METTL22: variants seen among roughly 807,000 people sequenced by gnomAD.
METTL22 encodes methyltransferase 22, Kin17 lysine, also known as methyltransferase-like protein 22.
Under a neutral mutation model 48.4 loss-of-function variants are expected in METTL22, and 51 were observed. The ratio of observed to expected loss-of-function variants is 1.05; its 90% CI spans 0.84 to 1.33. The LOEUF (loss-of-function observed/expected upper bound fraction) is 1.33, where lower values mean the gene tolerates loss of function less well. Ranked by LOEUF, METTL22 falls within the 40% of genes most tolerant of loss-of-function variation. The pLI, the probability that METTL22 is intolerant of heterozygous loss-of-function variation, is 0.00. For synonymous variants in METTL22, 255 were observed against 214.1 expected (o/e 1.19, Z -1.67); for missense variants, 678 against 526.9 (o/e 1.29, Z -2.81).
Position 8,648,345 on chromosome 16 carries a change from G to T in METTL22, c.*2202G>T, listed in dbSNP as rs1422206415. On this transcript the variant is annotated 3_prime_UTR_variant, in exon 11 of 11. Transcript: ENST00000381920. ...CTCAAAAATTAAAAAGCCAGGCGAG[G>T]TGCCGGGCATGGTGGCTCATGCCTG... 6.6e-6 allele frequency: 1 copy of T among 151,904 alleles called. No homozygotes were observed. 9.4% of individuals were successfully genotyped at this position (151,904 alleles called of 1,614,324 possible).
Position 8,649,188 on chromosome 16 carries a change from C to T in METTL22, c.*3045C>T, listed in dbSNP as rs1461033454. 6.6e-6 allele frequency: 1 copy of T among 152,190 alleles called. No homozygotes were observed. The highest frequency in any genetic ancestry group is 1.5e-5 in the Non-Finnish European group (1 of 68,032). 9.4% of individuals were successfully genotyped at this position (152,190 alleles called of 1,614,324 possible). On this transcript the variant is annotated 3_prime_UTR_variant, in exon 11 of 11. Coordinates refer to ENST00000381920, the MANE Select transcript of METTL22 (RefSeq NM_024109.4). ...AGGGCAAACTGCTTTTATGTCTAAA[C>T]CACTGGGCCTGAAAGCTTCCTCTAA...
the METTL22 span, among the ~76,000 whole-genome samples, chr16:8,660,894 A>C: frequency 7.4e-6 from 1 of 134,694 alleles, no homozygotes; most frequent in African/African-American, 2.7e-5. Flanking sequence ...GAGGAGGAGG[A>C]GGAGGAGGAG....
At chr16:8,653,632 G>A (rs1435578982), downstream of METTL22, among the ~76,000 whole-genome samples, 3 of 152,210 alleles carry the variant, frequency 2.0e-5, no homozygotes, top group Non-Finnish European at 4.4e-5. Context: ...TGGTTGAAGT[G>A]GATCTTGAAT....
intron 6 of METTL22, among the ~76,000 whole-genome samples, chr16:8,640,888 G>GGGTGGTTGGGT (rs1441175915): frequency 2.0e-5 from 2 of 100,700 alleles, no homozygotes; most frequent in Non-Finnish European, 4.1e-5. Flanking sequence ...GTGGGTGGGT[G>GGGTGGTTGGGT]GGTGAATGGA....
In METTL22 at chr16:8,646,907, G is replaced by T; in HGVS notation, c.*764G>T. ...CTGGTTTTTTATCTTCTCCATCTGT[G>T]CCTCTCTCCTCCCATCTCCACCCCT... On this transcript the variant is annotated 3_prime_UTR_variant, in exon 11 of 11. Transcript: ENST00000381920. 2 of 353,052 alleles carry T rather than the reference G, an allele frequency of 5.7e-6. No homozygotes were observed. Among genetic ancestry groups the T allele is most frequent in the South Asian group, 4.3e-5 (2 of 46,154 alleles). The allele number at this position is 353,052 out of a possible 1,614,324, so 21.9% of individuals were successfully genotyped here. A position where few individuals can be genotyped will look rare whatever the true frequency, so the allele number is the denominator to read the frequency against.
chr16:8,640,139 T>C (rs1180593507), intron 6 of METTL22, among the ~76,000 whole-genome samples: 1 of 152,214 alleles, frequency 6.6e-6, no homozygotes, highest in Non-Finnish European at 1.5e-5. Context: ...GACTACAAGC[T>C]CTGTGGGTGC....
the METTL22 span, among the ~76,000 whole-genome samples, chr16:8,665,267 C>T: frequency 1.6e-4 from 24 of 152,286 alleles, no homozygotes; most frequent in Admixed American, 1.3e-3. Context: ...GACCGCACTG[C>T]AGCCTGGGTG....
chr16:8,626,028 ACT>A (rs1331449264), intron 2 of METTL22, among the ~76,000 whole-genome samples: 5 of 151,744 alleles, frequency 3.3e-5, no homozygotes, highest in African/African-American at 1.2e-4. Context: ...AGACAATCTC[ACT>A]CTGTCACCCA....
rs567966830 is a variant in METTL22, at chr16:8,627,119, A to G, written c.133+1321A>G. ...GCCTCTGTCTTCTCCCACTGAGTTCACTGCTGCACACCCTCCCCGCTTATC... is the reference window on the plus strand; with the variant it reads ...GCCTCTGTCTTCTCCCACTGAGTTCGCTGCTGCACACCCTCCCCGCTTATC... On this transcript the variant is annotated intron_variant, in intron 2 of 10. Transcript: ENST00000381920. 2.0e-5 allele frequency among the ~76,000 whole-genome samples: 3 copies of G among 151,916 alleles called. No individual in the cohort carries two copies. In the South Asian group the frequency reaches 6.2e-4, roughly 32 times the overall value.
intron 6 of METTL22, chr16:8,639,634 C>T (rs1286517167): frequency 3.7e-5 from 7 of 189,292 alleles, no homozygotes; most frequent in Non-Finnish European, 6.7e-5. Context: ...CTGACAGTCT[C>T]CTTTCCAGCC....
intron 10 of METTL22, among the ~76,000 whole-genome samples, chr16:8,645,331 G>A (rs1164180455): frequency 6.6e-6 from 1 of 152,228 alleles, no homozygotes; most frequent in Non-Finnish European, 1.5e-5. Context: ...CGCGTCCTGA[G>A]GGAGGGCAGC....
rs916054338 is a variant in METTL22 at position 8,629,170 on chromosome 16, C to G, written c.514+60C>G. ...AAGGCAACTCCGCAGTGTCACTGCT[C>G]AGGGCTCAGTATGATCTGAGCGTGG... is the stretch of plus-strand genomic sequence containing the variant. On this transcript the variant is annotated intron_variant, in intron 3 of 10. Coordinates refer to ENST00000381920, the MANE Select transcript of METTL22 (RefSeq NM_024109.4). The G allele has an allele frequency of 1.2e-5, 19 of 1,566,582 alleles. No homozygotes were observed. In the African/African-American group the frequency reaches 2.4e-4, roughly 20 times the overall value.
chr16:8,636,338 C>T (rs1273803717), intron 5 of METTL22, among the ~76,000 whole-genome samples: 1 of 152,120 alleles, frequency 6.6e-6, no homozygotes, highest in Non-Finnish European at 1.5e-5. Flanking sequence ...AGTTTGAGAA[C>T]AGCCAGGCCA....
At chr16:8,630,011 C>T (rs1425458942) in intron 3 of METTL22, among the ~76,000 whole-genome samples, 1 of 58,078 alleles carries the variant, frequency 1.7e-5, no homozygotes, top group African/African-American at 6.6e-5. Flanking sequence ...GGCTTTGCCT[C>T]CCCCTGGCGC....
chr16:8,626,385 C>T (rs974607568), intron 2 of METTL22, among the ~76,000 whole-genome samples: 1 of 151,910 alleles, frequency 6.6e-6, no homozygotes. Context: ...CAAACTTTGC[C>T]GTCAGCAAGC....
intron 10 of METTL22, 104 bp from the exon 11 acceptor site, chr16:8,646,004 C>G: frequency 6.5e-7 from 1 of 1,549,302 alleles, no homozygotes. Context: ...CCGTGGCTGA[C>G]GTGTTGTCTA....
intron 5 of METTL22, among the ~76,000 whole-genome samples, 190 bp downstream of exon 5, chr16:8,635,502 C>G (rs1035615386): frequency 6.6e-6 from 1 of 152,216 alleles, no homozygotes; most frequent in Non-Finnish European, 1.5e-5. Flanking sequence ...GCAATACCCA[C>G]TCAGCAGCAG....
At position 8,641,133 on chromosome 16, in the gene METTL22, G is replaced by T; in HGVS notation, c.775G>T (p.Gly259Cys). 1 of 1,613,818 alleles carries T rather than the reference G, an allele frequency of 6.2e-7. No homozygotes were observed. The highest frequency in any genetic ancestry group is 8.5e-7 in the Non-Finnish European group (1 of 1,179,818). The change falls in exon 7 of 11, where the codon GGT becomes TGT. Residue 259 changes from glycine to cysteine, a missense_variant and splice_region_variant. Gly to Cys is a radical substitution (Grantham distance 159). Transcript: ENST00000381920. ...TCTCTTTTTGTTTGTTTTTACAGGT[G>T]GTATAGTTAGGGTCAAAGAACTGGA... ...LNSHLAATGG[G>C]IVRVKELDWL...
Position 8,628,842 on chromosome 16 carries a change from A to G in METTL22, c.246A>G (p.Thr82=), listed in dbSNP as rs1452060394. ...CAAAGGAGCCTCCTTCTGCTGAGAC[A>G]GGCAGCACAGGGTCCCCTCCAGGAA... ...VHTKEPPSAE[T]GSTGSPPGSG... is the part of the protein sequence containing the mutation. Residue 82 remains threonine, a synonymous_variant, in exon 3 of 11, where the codon ACA becomes ACG. Transcript: ENST00000381920. The G allele has an allele frequency of 6.2e-7, 1 of 1,614,048 alleles. No individual in the cohort carries two copies. The highest frequency in any genetic ancestry group is 2.2e-5 in the East Asian group (1 of 44,890).
Sources: gnomAD v4.1 joint callset for allele counts (sites outside exome capture counted in the v4.1 genomes callset) on GRCh38, gnomAD v4.1.1 for gene constraint, MANE v1.5 for transcripts, NCBI Gene and HGNC (gene_info 2026-07-23, HGNC 2026-07-21) for gene names.